The following UPF2 variants were observed in gnomAD, a reference collection of about 807,000 sequenced individuals.
UPF2 encodes the protein UPF2 regulator of nonsense mediated mRNA decay.
A neutral mutation model predicts 141.4 loss-of-function variants in UPF2; 17 were observed. The observed-to-expected ratio is 0.12, with a 90% CI of 0.08 to 0.18. The LOEUF (loss-of-function observed/expected upper bound fraction) is 0.18. UPF2 is among the 10% of genes least tolerant of loss of function. UPF2 has a pLI of 1.00. For missense variants in UPF2, 1,152 were observed against 1,515.9 expected (o/e 0.76, Z 3.99); for synonymous variants, 540 against 498.0 (o/e 1.08, Z -1.12).
At chr10:11,955,631 G>C in intron 13 of UPF2, 124 bp from the exon 14 acceptor site, 1 of 969,308 alleles carries the variant, frequency 1.0e-6, no homozygotes, top group Non-Finnish European at 1.5e-6. Context: ...AGAAATGACA[G>C]ATCTTTTCTA....
intron 9 of UPF2, among the ~76,000 whole-genome samples, chr10:11,968,431 A>G (rs1016187894): frequency 1.3e-5 from 2 of 152,218 alleles, no homozygotes; most frequent in African/African-American, 4.8e-5. Flanking sequence ...ATCCCATTAA[A>G]TTAATACTAT....
At chr10:12,023,768 G>A (rs1036144643) in intron 3 of UPF2, among the ~76,000 whole-genome samples, 14 of 151,360 alleles carry the variant, frequency 9.2e-5, no homozygotes, top group African/African-American at 2.9e-4. Context: ...AGGCAGGCAG[G>A]TGGCTTGAGC....
rs1834748547 is a variant in UPF2 at position 12,042,211 on chromosome 10, C to T, written c.-19+544G>A. ...CTCTAAACCCACCACACTTCCCCGACACAACTCCCCTTCCCACAGGTATCC... is the reference window on the plus strand; with the variant it reads ...CTCTAAACCCACCACACTTCCCCGATACAACTCCCCTTCCCACAGGTATCC... On this transcript the variant is annotated intron_variant, in intron 1 of 21. Transcript: ENST00000357604. This position sits in a 1 kb window ranked among gnomAD's most constrained non-coding sequence, Gnocchi z 5.5. Among the ~76,000 whole-genome samples the T allele has an allele frequency of 6.6e-6, 1 of 151,734 alleles. No individual in the cohort carries two copies. The highest frequency in any genetic ancestry group is 1.5e-5 in the Non-Finnish European group (1 of 67,964).
intron 13 of UPF2, among the ~76,000 whole-genome samples, chr10:11,955,718 A>G (rs1030447529): frequency 6.6e-6 from 1 of 152,248 alleles, no homozygotes; most frequent in Admixed American, 6.5e-5. Flanking sequence ...TAAAAAGAAC[A>G]TGTTAGGTAT....
At chr10:12,012,941 C>T (rs1834156700) in intron 4 of UPF2, among the ~76,000 whole-genome samples, 1 of 151,936 alleles carries the variant, frequency 6.6e-6, no homozygotes, top group South Asian at 2.1e-4. Context: ...GAGTTTGAGA[C>T]CAGCCTGAGA....
At chr10:11,993,094 G>A (rs984627364) in intron 8 of UPF2, among the ~76,000 whole-genome samples, 1 of 140,576 alleles carries the variant, frequency 7.1e-6, no homozygotes, top group Non-Finnish European at 1.5e-5. Context: ...AGGTTGCAGT[G>A]AGCAGAGATC....
At chr10:12,025,164 A>T (rs1171527266) in intron 3 of UPF2, among the ~76,000 whole-genome samples, 2 of 152,132 alleles carry the variant, frequency 1.3e-5, no homozygotes, top group Non-Finnish European at 2.9e-5. Context: ...TGAGTGATTT[A>T]TTAAGCCATA....
intron 15 of UPF2, among the ~76,000 whole-genome samples, chr10:11,951,582 G>T (rs1295565712): frequency 6.6e-6 from 1 of 152,120 alleles, no homozygotes; most frequent in African/African-American, 2.4e-5. Context: ...ATTTTCTCTA[G>T]TCCTTAGAGA....
rs1291687760 is a variant in UPF2, at chr10:11,940,809, T to C, written c.3378+1856A>G. ...TTAGCCTTGCCCTGGTGGGTACCTCTGCCCTCCCACACAGGATTGTGCCCC... is the reference window on the plus strand; with the variant it reads ...TTAGCCTTGCCCTGGTGGGTACCTCCGCCCTCCCACACAGGATTGTGCCCC... On this transcript the variant is annotated intron_variant, in intron 18 of 21. Coordinates refer to ENST00000357604, the MANE Select transcript of UPF2 (RefSeq NM_015542.4). The surrounding 1 kb of genome is among the most constrained non-coding windows in gnomAD (Gnocchi z 4.2). Among the ~76,000 whole-genome samples, 1 of 152,224 alleles carries C rather than the reference T, an allele frequency of 6.6e-6. No individual in the cohort carries two copies. Among genetic ancestry groups the C allele is most frequent in the Non-Finnish European group, 1.5e-5 (1 of 68,042 alleles).
chr10:11,949,363 T>G (rs987744357), intron 15 of UPF2, among the ~76,000 whole-genome samples: 50 of 152,242 alleles, frequency 3.3e-4, no homozygotes, highest in African/African-American at 1.2e-3. Context: ...CAATATGCAC[T>G]TTCAAATCCC....
rs12569563 is a variant in UPF2, at chr10:12,042,640, G to C, written c.-19+115C>G. 0.21 allele frequency: 32,705 copies of C among 152,268 alleles called. 3,846 individuals carry two copies. Among genetic ancestry groups the C allele is most frequent in the East Asian group, 0.47 (2,402 of 5,124 alleles). 9.4% of individuals were successfully genotyped at this position (152,268 alleles called of 1,614,324 possible). On this transcript the variant is annotated intron_variant, in intron 1 of 21. Coordinates refer to ENST00000357604, the MANE Select transcript of UPF2 (RefSeq NM_015542.4). The surrounding 1 kb of genome is among the most constrained non-coding windows in gnomAD (Gnocchi z 5.5). The stretch of plus-strand genomic sequence containing the variant: ...ACTGCTCGCCGACCCCGGAGAGCTG[G>C]AGTGTGGAGTCGCCTCTGGGGTCCC...
At chr10:11,930,158 T>C (rs1832765458) in intron 20 of UPF2, among the ~76,000 whole-genome samples, 173 bp from the exon 21 acceptor site, 1 of 152,242 alleles carries the variant, frequency 6.6e-6, no homozygotes, top group South Asian at 2.1e-4. Flanking sequence ...AAGAGCATTA[T>C]CAAGAGAGGA....
rs1449094920 is a variant in UPF2 at position 11,931,841 on chromosome 10, A to AG, written c.3547-60_3547-59insC. 1.3e-6 allele frequency: 2 copies of AG among 1,543,650 alleles called. No individual in the cohort carries two copies. Among genetic ancestry groups the AG allele is most frequent in the East Asian group, 4.6e-5 (2 of 43,542 alleles). The stretch of plus-strand genomic sequence containing the variant: ...TTGAGAACACTGAGAGAAAGAAAAA[A>AG]CAGACTTCAAATAAAATAGCAAGTA... On this transcript the variant is annotated intron_variant, in intron 19 of 21. Coordinates refer to ENST00000357604, the MANE Select transcript of UPF2 (RefSeq NM_015542.4). The surrounding 1 kb of genome is among the most constrained non-coding windows in gnomAD (Gnocchi z 5.9).
chr10:11,943,819 T>C (rs1832966542), intron 16 of UPF2, among the ~76,000 whole-genome samples: 1 of 151,736 alleles, frequency 6.6e-6, no homozygotes, highest in Admixed American at 6.6e-5. Context: ...CTTCACCCCA[T>C]CCTCACAGTC....
At chr10:12,031,841 CCT>C (rs773653245) in intron 2 of UPF2, among the ~76,000 whole-genome samples, 9 of 152,162 alleles carry the variant, frequency 5.9e-5, no homozygotes, top group African/African-American at 9.6e-5. Context: ...GATAATCACC[CCT>C]GAGTTATAAG....
intron 10 of UPF2, among the ~76,000 whole-genome samples, chr10:11,965,914 AT>A (rs1283060962): frequency 6.6e-6 from 1 of 152,198 alleles, no homozygotes; most frequent in Non-Finnish European, 1.5e-5. Context: ...TTGATGAAAA[AT>A]TTGTTATAGA....
chr10:12,030,600 T>C (rs1834501976), intron 2 of UPF2, among the ~76,000 whole-genome samples: 1 of 151,866 alleles, frequency 6.6e-6, no homozygotes, highest in Admixed American at 6.6e-5. Context: ...AAAAATGTTT[T>C]GAGGCCTGGG....
chr10:11,996,591 GCCT>G (rs1357547211), intron 8 of UPF2, among the ~76,000 whole-genome samples: 1 of 152,138 alleles, frequency 6.6e-6, no homozygotes, highest in Non-Finnish European at 1.5e-5. Context: ...TGATCCACCT[GCCT>G]CAGCCTCCCA....
intron 10 of UPF2, among the ~76,000 whole-genome samples, chr10:11,964,638 T>G (rs1238189321): frequency 2.0e-5 from 3 of 152,242 alleles, no homozygotes; most frequent in African/African-American, 7.2e-5. Context: ...TCTTCTGGCT[T>G]ACTAGGAAAA....
Sources: allele counts gnomAD v4.1 joint callset (sites outside exome capture counted in the v4.1 genomes callset), GRCh38; gene constraint gnomAD v4.1.1; non-coding constraint Gnocchi (gnomAD v3.1); transcripts MANE v1.5; gene names NCBI Gene and HGNC (gene_info 2026-07-23, HGNC 2026-07-21).